The following PCDHGB4 variants were observed in gnomAD, a reference collection of about 807,000 sequenced individuals.
PCDHGB4 encodes the protein protocadherin gamma subfamily B, 4.
Under a neutral mutation model 60.5 loss-of-function variants are expected in PCDHGB4, and 38 were observed. The ratio of observed to expected loss-of-function variants is 0.63; its 90% CI spans 0.48 to 0.82. The LOEUF (loss-of-function observed/expected upper bound fraction) is 0.82, where lower values mean the gene tolerates loss of function less well. PCDHGB4 is among the 40% of genes least tolerant of loss of function. The pLI, the probability that PCDHGB4 is intolerant of heterozygous loss-of-function variation, is 0.00. For missense variants in PCDHGB4, 1,109 were observed against 1,209.6 expected, an observed-to-expected ratio of 0.92 and a Z score of 1.23; for synonymous variants, 456 against 509.7, an observed-to-expected ratio of 0.89 and a Z score of 1.42.
intron 1 of PCDHGB4, chr5:141,413,395 G>C: frequency 6.2e-7 from 1 of 1,614,050 alleles, no homozygotes; most frequent in Non-Finnish European, 8.5e-7. Context: ...AGTCTCCAGA[G>C]GTAGGACGCA....
At chr5:141,479,273 T>G (rs1723290487) in intron 1 of PCDHGB4, 1 of 152,386 alleles carries the variant, frequency 6.6e-6, no homozygotes, top group South Asian at 2.1e-4. Context: ...AGTAATAATT[T>G]ATTTCAAAAA....
intron 1 of PCDHGB4, among the ~76,000 whole-genome samples, chr5:141,436,517 G>A (rs1398225419): frequency 1.3e-5 from 2 of 152,130 alleles, no homozygotes; most frequent in African/African-American, 4.8e-5. Flanking sequence ...TGTTAACTGT[G>A]TCACCTTTAG....
At chr5:141,446,493 T>C (rs1416449558) in intron 1 of PCDHGB4, among the ~76,000 whole-genome samples, 2 of 152,152 alleles carry the variant, frequency 1.3e-5, no homozygotes. Flanking sequence ...TTTTTTTTTT[T>C]TGAGATGGAG....
chr5:141,409,624 G>C lies in PCDHGB4; in HGVS notation c.2397+19343G>C, dbSNP rs747166507. 11 of 1,613,728 alleles carry C rather than the reference G, an allele frequency of 6.8e-6. No homozygotes were observed. The South Asian group carries it at 8.8e-5, about 13-fold the overall frequency. On this transcript the variant is annotated intron_variant, in intron 1 of 3. Transcript: ENST00000519479. The stretch of plus-strand genomic sequence containing the variant: ...CGCCAGGAGCCTCCATTGCGCAAGT[G>C]AGCGCCTCTGACCCGGATTTGGGGC...
At chr5:141,437,826 CT>C (rs1263000808) in intron 1 of PCDHGB4, among the ~76,000 whole-genome samples, 5 of 151,936 alleles carry the variant, frequency 3.3e-5, no homozygotes, top group African/African-American at 1.2e-4. Flanking sequence ...CAACCTCTGC[CT>C]CCTGGGTTCA....
At chr5:141,467,167 C>T (rs2099138606) in intron 1 of PCDHGB4, among the ~76,000 whole-genome samples, 1 of 151,832 alleles carries the variant, frequency 6.6e-6, no homozygotes, top group Non-Finnish European at 1.5e-5. Context: ...ATTCTCATCT[C>T]TCAGCCTCCC....
chr5:141,399,859 G>A (rs2093908235), intron 1 of PCDHGB4: 1 of 1,612,726 alleles, frequency 6.2e-7, no homozygotes, highest in Admixed American at 1.7e-5. Flanking sequence ...GCCGCGCGCT[G>A]CAGAGCCCGG....
chr5:141,400,054 C>T, intron 1 of PCDHGB4: 2 of 1,613,622 alleles, frequency 1.2e-6, no homozygotes, highest in Non-Finnish European at 1.7e-6. Flanking sequence ...GGTTGCTGTG[C>T]GTGATGGTGG....
chr5:141,423,006 T>A, intron 1 of PCDHGB4: 2 of 1,614,198 alleles, frequency 1.2e-6, no homozygotes, highest in Non-Finnish European at 1.7e-6. Context: ...CCAAGGTGGT[T>A]GCGGTGGACA....
chr5:141,477,719 T>C lies in PCDHGB4; in HGVS notation c.2398-17088T>C. 6.2e-7 allele frequency: 1 copy of C among 1,613,876 alleles called. No individual in the cohort carries two copies. Among genetic ancestry groups the C allele is most frequent in the Non-Finnish European group, 8.5e-7 (1 of 1,180,028 alleles). ...CTATGAGGATCGGCGGGAATTTGAA[T>C]TAACAGCTCATATCAGCGATGGGGG... On this transcript the variant is annotated intron_variant, in intron 1 of 3. Transcript: ENST00000519479. The surrounding 1 kb of genome is among the most constrained non-coding windows in gnomAD (Gnocchi z 4.9).
intron 1 of PCDHGB4, chr5:141,421,282 A>G (rs762064258): frequency 7.4e-6 from 12 of 1,613,034 alleles, no homozygotes; most frequent in Non-Finnish European, 1.0e-5. Context: ...GCTGCTGTGC[A>G]TTTTCCTGGG....
intron 1 of PCDHGB4, chr5:141,394,928 C>T (rs2093129787): frequency 7.4e-6 from 12 of 1,613,838 alleles, no homozygotes; most frequent in Non-Finnish European, 1.0e-5. Context: ...GTGTCTTCCT[C>T]GCCTTTGTCG....
intron 1 of PCDHGB4, among the ~76,000 whole-genome samples, chr5:141,481,556 G>T (rs553126587): frequency 6.6e-6 from 1 of 152,148 alleles, no homozygotes; most frequent in African/African-American, 2.4e-5. Flanking sequence ...AGTGGCTCAC[G>T]CCTGTAATCC....
chr5:141,389,596 C>T lies in PCDHGB4; in HGVS notation c.1712C>T (p.Ala571Val), dbSNP rs768865727. 2 of 1,613,132 alleles carry T rather than the reference C, an allele frequency of 1.2e-6. No individual in the cohort carries two copies. The highest frequency in any genetic ancestry group is 1.7e-6 in the Non-Finnish European group (2 of 1,179,778). Residue 571 changes from alanine to valine, a missense_variant, in exon 1 of 4, where the codon GCG becomes GTG. Physicochemically the swap from Ala to Val is moderately conservative, Grantham distance 64. Transcript: ENST00000519479. ...LYPALGPDGSALFDMVPHAAE... is the reference protein window; with the variant it reads ...LYPALGPDGSVLFDMVPHAAE... ...CCCGCGCTGGGTCCCGACGGCTCTGCGCTCTTCGATATGGTGCCGCACGCT... is the reference window on the plus strand; with the variant it reads ...CCCGCGCTGGGTCCCGACGGCTCTGTGCTCTTCGATATGGTGCCGCACGCT...
At chr5:141,502,008 C>T (rs753492460) in intron 2 of PCDHGB4, among the ~76,000 whole-genome samples, 6 of 152,086 alleles carry the variant, frequency 3.9e-5, no homozygotes, top group Non-Finnish European at 8.8e-5. Context: ...AACCCGCATG[C>T]TCTCCTCCCT....
intron 1 of PCDHGB4, chr5:141,393,503 G>T: frequency 6.2e-7 from 1 of 1,614,028 alleles, no homozygotes; most frequent in Non-Finnish European, 8.5e-7. Context: ...GCATCCACGT[G>T]ACAGTGTTGG....
chr5:141,432,264 C>A lies in PCDHGB4; in HGVS notation c.2397+41983C>A. On this transcript the variant is annotated intron_variant, in intron 1 of 3. Transcript: ENST00000519479. The surrounding 1 kb of genome is among the most constrained non-coding windows in gnomAD (Gnocchi z 6.0). Reference sequence around the variant, plus strand: ...AACACCATCCAAGGGGCAAGCCTATCGTCCTACGTGTCCATCAACTCCGAC... The same window carrying A: ...AACACCATCCAAGGGGCAAGCCTATAGTCCTACGTGTCCATCAACTCCGAC... 5 of 1,614,252 alleles carry A rather than the reference C, an allele frequency of 3.1e-6. No homozygotes were observed. Among genetic ancestry groups the A allele is most frequent in the Non-Finnish European group, 4.2e-6 (5 of 1,180,044 alleles).
chr5:141,410,774 C>G, intron 1 of PCDHGB4: 4 of 955,126 alleles, frequency 4.2e-6, no homozygotes, highest in Non-Finnish European at 5.8e-6. Context: ...ATAGTTTTCA[C>G]TATGTATTTG....
chr5:141,454,894 G>A (rs1371368633), intron 1 of PCDHGB4, among the ~76,000 whole-genome samples: 2 of 126,736 alleles, frequency 1.6e-5, no homozygotes, highest in Non-Finnish European at 3.1e-5. Context: ...TGCTAGCACC[G>A]CCTCCCGGGT....
Sources: allele counts gnomAD v4.1 joint callset (sites outside exome capture counted in the v4.1 genomes callset), GRCh38; gene constraint gnomAD v4.1.1; non-coding constraint Gnocchi (gnomAD v3.1); transcripts MANE v1.5; gene names NCBI Gene and HGNC (gene_info 2026-07-23, HGNC 2026-07-21).